Variants in GLI2 observed in about 807,000 individuals in gnomAD.
GLI2 encodes the protein transcription activator GLI2.
A neutral mutation model predicts 78.9 loss-of-function variants in GLI2; 22 were observed. The ratio of observed to expected loss-of-function variants is 0.28; its 90% confidence interval spans 0.20 to 0.40. The LOEUF (loss-of-function observed/expected upper bound fraction) is 0.40. Ranked by LOEUF, GLI2 falls within the 10% of genes least tolerant of loss-of-function variation. The pLI, the probability that GLI2 is intolerant of heterozygous loss-of-function variation, is 1.00. For synonymous variants in GLI2, 974 were observed against 963.7 expected (o/e 1.01, Z -0.20); for missense variants, 2,097 against 2,213.2 (o/e 0.95, Z 1.05).
intron 1 of GLI2, among the ~76,000 whole-genome samples, chr2:120,795,913 G>A (rs1558799940): frequency 6.6e-6 from 1 of 152,018 alleles, no homozygotes; most frequent in African/African-American, 2.4e-5. Flanking sequence ...GCCGGGCGTG[G>A]TGGCTCATGC....
In GLI2 at chr2:120,972,812, C is replaced by T. The variant is rs116651746; in HGVS notation, c.1182+749C>T. ...CAGCCCACAGCCCAGTGCAGGCCTA[C>T]CACGTGGCCCAGACCCTGTGCTGAT... On this transcript the variant is annotated intron_variant, in intron 8 of 13. Coordinates refer to ENST00000361492, the MANE Select transcript of GLI2 (RefSeq NM_001374353.1). The T allele has an allele frequency of 6.1e-3, 2,711 of 446,974 alleles. 59 individuals carry two copies. Among genetic ancestry groups the T allele is most frequent in the African/African-American group, 0.045 (2,279 of 50,244 alleles). 27.7% of individuals were successfully genotyped at this position (446,974 alleles called of 1,614,324 possible).
rs1310260977 is a variant in GLI2 at position 120,988,916 on chromosome 2, G to C, written c.2951G>C (p.Cys984Ser). The change falls in exon 14 of 14, where the codon TGT becomes TCT. Residue 984 changes from cysteine to serine, a missense_variant. Cys to Ser is a moderately radical substitution (Grantham distance 112). Around this residue, in one of 5 missense-constraint regions of GLI2, gnomAD observed 1,290 missense variants for 1,261.7 expected, o/e 1.02. Transcript: ENST00000361492. ...HNVNPGPLPPCADRRGLRLQS... is the reference protein window; with the variant it reads ...HNVNPGPLPPSADRRGLRLQS... ...GTGAACCCCGGCCCGCTGCCGCCCT[G>C]TGCCGACAGGCGAGGCCTCCGCCTG... The C allele has an allele frequency of 6.6e-7, 1 of 1,518,822 alleles. No individual in the cohort carries two copies. The highest frequency in any genetic ancestry group is 2.0e-5 in the Admixed American group (1 of 50,486). 94.1% of individuals were successfully genotyped at this position (1,518,822 alleles called of 1,614,324 possible).
At chr2:120,981,238 T>G (rs1239050139) in intron 10 of GLI2, among the ~76,000 whole-genome samples, 1 of 152,216 alleles carries the variant, frequency 6.6e-6, no homozygotes, top group African/African-American at 2.4e-5. Flanking sequence ...CTTTTGCATG[T>G]GATTACGCAG....
chr2:120,852,519 G>T (rs2104612958), intron 2 of GLI2, among the ~76,000 whole-genome samples: 1 of 152,322 alleles, frequency 6.6e-6, no homozygotes, highest in African/African-American at 2.4e-5. Flanking sequence ...AGGGACGAGT[G>T]TGTTTCTGAG....
intron 2 of GLI2, among the ~76,000 whole-genome samples, chr2:120,875,314 C>G (rs1001514809): frequency 1.3e-5 from 2 of 152,208 alleles, no homozygotes; most frequent in Non-Finnish European, 2.9e-5. Context: ...TGGACCACAT[C>G]TAGAGGGAAG....
chr2:120,967,823 A>G (rs1162699033), intron 5 of GLI2, among the ~76,000 whole-genome samples: 1 of 152,254 alleles, frequency 6.6e-6, no homozygotes, highest in African/African-American at 2.4e-5. Context: ...AGTACGCAGA[A>G]GCACCTGCCT....
intron 2 of GLI2, among the ~76,000 whole-genome samples, chr2:120,813,529 C>T (rs1685358214): frequency 3.3e-5 from 5 of 152,202 alleles, no homozygotes; most frequent in South Asian, 2.1e-4. Context: ...GAGTCCTGCT[C>T]GTGCAAGGAC....
intron 2 of GLI2, among the ~76,000 whole-genome samples, chr2:120,927,048 A>T (rs1362551769): frequency 6.6e-6 from 1 of 152,242 alleles, no homozygotes; most frequent in Non-Finnish European, 1.5e-5. Flanking sequence ...TCGCTCTGTC[A>T]GCCCTGATTT....
chr2:120,792,060 A>G (rs1024706273), intron 1 of GLI2, among the ~76,000 whole-genome samples: 3 of 152,172 alleles, frequency 2.0e-5, no homozygotes, highest in Admixed American at 2.0e-4. Flanking sequence ...GCGAGGCTTC[A>G]TCTCTCTCCT....
chr2:120,894,674 T>C (rs1173834730), intron 2 of GLI2, among the ~76,000 whole-genome samples: 3 of 137,734 alleles, frequency 2.2e-5, no homozygotes, highest in African/African-American at 5.5e-5. Context: ...TTTTACCTCT[T>C]TCCTCCCATA....
chr2:120,766,055 CCCCTCT>C (rs1391109597), intron 1 of GLI2, among the ~76,000 whole-genome samples: 6 of 152,192 alleles, frequency 3.9e-5, no homozygotes, highest in African/African-American at 7.2e-5. Context: ...TTGCCCAGCT[CCCCTCT>C]CGCGTGGCTG....
At chr2:120,933,675 G>A (rs1047423436) in intron 3 of GLI2, among the ~76,000 whole-genome samples, 3 of 152,176 alleles carry the variant, frequency 2.0e-5, no homozygotes, top group Admixed American at 1.3e-4. Context: ...TCCCTAAGTT[G>A]GTGCTCCCCA....
rs151265247 is a variant in GLI2, at chr2:120,737,830, C to T, written c.-31+1545C>T. Among the ~76,000 whole-genome samples the T allele has an allele frequency of 6.0e-3, 910 of 152,326 alleles. 8 individuals carry two copies. Among genetic ancestry groups the T allele is most frequent in the Non-Finnish European group, 9.7e-3 (659 of 68,024 alleles). On this transcript the variant is annotated intron_variant, in intron 1 of 13. Transcript: ENST00000361492. The surrounding 1 kb of genome is among the most constrained non-coding windows in gnomAD (Gnocchi z 4.3). Reference sequence around the variant, plus strand: ...ATATTGTATTGGCATGCTCAGGGGGCTCGGTGCCAAAAAGTAAAGTAAATA... The same window carrying T: ...ATATTGTATTGGCATGCTCAGGGGGTTCGGTGCCAAAAAGTAAAGTAAATA...
chr2:120,894,822 C>T (rs1170240098), intron 2 of GLI2, among the ~76,000 whole-genome samples: 2 of 152,176 alleles, frequency 1.3e-5, no homozygotes, highest in Admixed American at 1.3e-4. Context: ...CCTCAGCCTC[C>T]GGAGTAGCTG....
intron 2 of GLI2, among the ~76,000 whole-genome samples, chr2:120,905,877 C>T (rs1001941806): frequency 4.6e-5 from 7 of 151,312 alleles, no homozygotes; most frequent in Non-Finnish European, 8.9e-5. Flanking sequence ...GCCCCCCCCC[C>T]GCCCCCACAT....
At chr2:120,942,295 C>T (rs895942860) in intron 3 of GLI2, among the ~76,000 whole-genome samples, 8 of 152,192 alleles carry the variant, frequency 5.3e-5, no homozygotes, top group Non-Finnish European at 1.2e-4. Flanking sequence ...ATCGAGGTGT[C>T]ACCAGGGCTG....
intron 2 of GLI2, among the ~76,000 whole-genome samples, chr2:120,926,220 AT>A (rs1230763054): frequency 6.8e-6 from 1 of 147,006 alleles, no homozygotes; most frequent in Non-Finnish European, 1.5e-5. Context: ...ATTTTTCTAT[AT>A]TTTTTTGTTT....
intron 3 of GLI2, among the ~76,000 whole-genome samples, chr2:120,934,200 G>A (rs1680085203): frequency 6.6e-6 from 1 of 152,224 alleles, no homozygotes; most frequent in Non-Finnish European, 1.5e-5. Flanking sequence ...ATCACTGACA[G>A]CGCCTCGCCG....
intron 5 of GLI2, among the ~76,000 whole-genome samples, chr2:120,957,988 T>C (rs1013190733): frequency 6.6e-6 from 1 of 152,166 alleles, no homozygotes; most frequent in Non-Finnish European, 1.5e-5. Flanking sequence ...CCATGAGCCC[T>C]GGCCCAAGGG....
Sources: gnomAD v4.1 joint callset for allele counts (sites outside exome capture counted in the v4.1 genomes callset) on GRCh38, gnomAD v4.1.1 for gene constraint, gnomAD v4.1.1 regional missense constraint, Gnocchi (gnomAD v3.1) non-coding constraint, MANE v1.5 for transcripts, NCBI Gene and HGNC (gene_info 2026-07-23, HGNC 2026-07-21) for gene names.